SIDT1: variants seen among roughly 807,000 people sequenced by gnomAD.
SIDT1 encodes the protein SID1 transmembrane family member 1.
SIDT1 carries 101 observed loss-of-function variants against 107.5 expected under a neutral mutation model. The ratio of observed to expected loss-of-function variants is 0.94; its 90% CI spans 0.80 to 1.11. SIDT1 has a LOEUF of 1.11. Ranked by LOEUF, SIDT1 falls within the 50% of genes least tolerant of loss-of-function variation. SIDT1 has a pLI of 0.00. For synonymous variants in SIDT1, 395 were observed against 398.2 expected (o/e 0.99, Z 0.10); for missense variants, 1,076 against 1,058.2 (o/e 1.02, Z -0.23).
chr3:113,626,243 T>C (rs1355677545), intron 24 of SIDT1, 28 bp downstream of exon 24: 2 of 1,458,652 alleles, frequency 1.4e-6, no homozygotes, highest in Non-Finnish European at 1.9e-6. Flanking sequence ...TTTTTGTGAC[T>C]TTCTTCTCTC....
At chr3:113,610,898 T>C (rs1945687121) in intron 17 of SIDT1, 110 bp from the exon 18 acceptor site, 1 of 1,326,248 alleles carries the variant, frequency 7.5e-7, no homozygotes, top group East Asian at 2.3e-5. Context: ...TAGAAAATAG[T>C]CCATGGATTG....
rs1226879984 is a variant in SIDT1, at chr3:113,629,350, A to G, written c.*1642A>G. Reference sequence around the variant, plus strand: ...TCCATTGACCATATGAAGGCCACCAATTAAATGGTTGTGTTAATCCAACAT... The same window carrying G: ...TCCATTGACCATATGAAGGCCACCAGTTAAATGGTTGTGTTAATCCAACAT... On this transcript the variant is annotated 3_prime_UTR_variant, in exon 25 of 25. Transcript: ENST00000264852. 1 of 152,208 alleles carries G rather than the reference A, an allele frequency of 6.6e-6. No individual in the cohort carries two copies. Among genetic ancestry groups the G allele is most frequent in the Non-Finnish European group, 1.5e-5 (1 of 68,044 alleles). The allele number at this position is 152,208 out of a possible 1,614,324, so 9.4% of individuals were successfully genotyped here. A position where few individuals can be genotyped will look rare whatever the true frequency, so the allele number is the denominator to read the frequency against.
chr3:113,605,785 C>T (rs1051178162), intron 14 of SIDT1, among the ~76,000 whole-genome samples: 10 of 151,988 alleles, frequency 6.6e-5, no homozygotes, highest in African/African-American at 2.2e-4. Flanking sequence ...AGGTGGATTG[C>T]CTGAGCTCAG....
At position 113,603,183 on chromosome 3, in the gene SIDT1, G is replaced by C. The variant is rs750025481; in HGVS notation, c.1263+33G>C. The stretch of plus-strand genomic sequence containing the variant: ...CTCTGCCTCGCCGTACTCTTTGAGA[G>C]GGCAGAAAGTTTGGCAGTAGAATAA... On this transcript the variant is annotated intron_variant, in intron 12 of 24. Coordinates refer to ENST00000264852, the MANE Select transcript of SIDT1 (RefSeq NM_017699.3). 6 of 1,581,724 alleles carry C rather than the reference G, an allele frequency of 3.8e-6. No homozygotes were observed. The Admixed American group carries it at 1.1e-4, about 28-fold the overall frequency.
chr3:113,549,251 C>G (rs959304022), intron 1 of SIDT1, among the ~76,000 whole-genome samples: 2 of 152,136 alleles, frequency 1.3e-5, no homozygotes, highest in Non-Finnish European at 2.9e-5. Flanking sequence ...AAGTTTTCAA[C>G]TCATTTGGGT....
At chr3:113,604,160 A>G (rs1945160063) in intron 13 of SIDT1, 127 bp downstream of exon 13, 1 of 617,842 alleles carries the variant, frequency 1.6e-6, no homozygotes, top group Admixed American at 3.2e-5. Flanking sequence ...TGATGTTACC[A>G]GCCAACTATC....
chr3:113,547,327 T>C (rs1260911956), intron 1 of SIDT1, among the ~76,000 whole-genome samples: 2 of 152,142 alleles, frequency 1.3e-5, no homozygotes, highest in Non-Finnish European at 1.5e-5. Context: ...TTCTTATTCA[T>C]ATGTGGAGGC....
rs145960933 is a variant in SIDT1, at chr3:113,611,030, C to A, written c.1743C>A (p.Ile581=). 3 of 1,614,036 alleles carry A rather than the reference C, an allele frequency of 1.9e-6. No homozygotes were observed. The highest frequency in any genetic ancestry group is 4.5e-5 in the East Asian group (2 of 44,878). Residue 581 remains isoleucine (I), a synonymous_variant, in exon 18 of 25, where the codon ATC becomes ATA. Transcript: ENST00000264852. ...FQFDTSFMYM[I]AGLCMLKLYQ... is the part of the protein sequence containing the mutation. ...CAGACACCTCCTTCATGTACATGAT[C>A]GCTGGCCTGTGCATGCTGAAGCTCT...
intron 1 of SIDT1, among the ~76,000 whole-genome samples, chr3:113,544,650 C>A (rs1467826026): frequency 2.0e-5 from 3 of 152,154 alleles, no homozygotes; most frequent in African/African-American, 7.2e-5. Context: ...CCAGGCTATA[C>A]ATTTTTGACA....
chr3:113,597,327 T>A (rs1375181718), intron 10 of SIDT1, among the ~76,000 whole-genome samples: 6 of 151,864 alleles, frequency 4.0e-5, no homozygotes, highest in Admixed American at 2.6e-4. Context: ...TGAAACCCTG[T>A]CTCCACTAAA....
intron 9 of SIDT1, among the ~76,000 whole-genome samples, chr3:113,592,213 A>G (rs1011425346): frequency 6.6e-6 from 1 of 152,142 alleles, no homozygotes; most frequent in African/African-American, 2.4e-5. Context: ...AGAATTCGAT[A>G]GTGGTGGGAG....
intron 9 of SIDT1, chr3:113,590,144 A>T (rs972698822): frequency 2.0e-5 from 3 of 152,228 alleles, no homozygotes; most frequent in African/African-American, 7.2e-5. Context: ...CTGAATGGCA[A>T]GAAGGAGCCT....
At chr3:113,613,968 A>T (rs1182554580) in intron 19 of SIDT1, among the ~76,000 whole-genome samples, 1 of 152,238 alleles carries the variant, frequency 6.6e-6, no homozygotes, top group Non-Finnish European at 1.5e-5. Context: ...CAGAAGTACT[A>T]TTCACAAGAT....
chr3:113,573,897 G>C (rs12631929), intron 3 of SIDT1, among the ~76,000 whole-genome samples: 29,056 of 152,192 alleles, frequency 0.19, 3,476 homozygotes, highest in East Asian at 0.58. Context: ...GACAGGAGGT[G>C]ACTCTTACCC....
chr3:113,612,380 G>T (rs774177072), intron 19 of SIDT1, 186 bp downstream of exon 19: 2 of 659,416 alleles, frequency 3.0e-6, no homozygotes, highest in South Asian at 3.0e-5. Flanking sequence ...ATAGTGATAA[G>T]CTATTACCCC....
chr3:113,539,459 T>A (rs6779241), intron 1 of SIDT1, among the ~76,000 whole-genome samples: 6,942 of 152,086 alleles, frequency 0.046, 283 homozygotes, highest in African/African-American at 0.1. Context: ...AGCAATAGAG[T>A]TTTTAGAGAC....
chr3:113,568,548 C>G (rs1333394609), intron 3 of SIDT1, among the ~76,000 whole-genome samples: 2 of 149,500 alleles, frequency 1.3e-5, no homozygotes, highest in Non-Finnish European at 3.0e-5. Flanking sequence ...GAGCCGAGAT[C>G]GCGCCACTGC....
chr3:113,621,987 G>T (rs889699061), intron 21 of SIDT1, among the ~76,000 whole-genome samples: 1 of 152,088 alleles, frequency 6.6e-6, no homozygotes, highest in African/African-American at 2.4e-5. Flanking sequence ...CTACCAAATG[G>T]AACAGTGCAG....
intron 21 of SIDT1, among the ~76,000 whole-genome samples, chr3:113,622,193 G>A (rs907316641): frequency 9.9e-5 from 15 of 152,038 alleles, no homozygotes; most frequent in South Asian, 2.1e-4. Context: ...GGCCGGGCGC[G>A]GTGGCTCACG....
Sources: allele counts gnomAD v4.1 joint callset (sites outside exome capture counted in the v4.1 genomes callset), GRCh38; gene constraint gnomAD v4.1.1; transcripts MANE v1.5; gene names NCBI Gene and HGNC (gene_info 2026-07-23, HGNC 2026-07-21).